Variants in PLCB1 observed in about 807,000 individuals in gnomAD.
The protein encoded by PLCB1 is 1-phosphatidylinositol 4,5-bisphosphate phosphodiesterase beta-1.
A neutral mutation model predicts 161.8 loss-of-function variants in PLCB1; 46 were observed. The observed-to-expected ratio is 0.28, with a 90% CI of 0.22 to 0.36. The LOEUF (loss-of-function observed/expected upper bound fraction) is 0.36. Ranked by LOEUF, PLCB1 falls within the 10% of genes least tolerant of loss-of-function variation. PLCB1 has a pLI of 1.00. For synonymous variants in PLCB1, 517 were observed against 503.7 expected, an observed-to-expected ratio of 1.03 and a Z score of -0.35; for missense variants, 1,016 against 1,472.5, an observed-to-expected ratio of 0.69 and a Z score of 5.07.
intron 3 of PLCB1, among the ~76,000 whole-genome samples, chr20:8,603,027 T>A (rs1009869439): frequency 1.5e-5 from 2 of 137,912 alleles, no homozygotes; most frequent in Non-Finnish European, 3.0e-5. Context: ...AAGTATCACA[T>A]GGTTTGTACA....
rs1490480737 is a variant in PLCB1, at chr20:8,146,109, T to G, written c.100-4185T>G. 6.2e-5 allele frequency among the ~76,000 whole-genome samples: 9 copies of G among 145,682 alleles called. 1 individual carries two copies. The South Asian group carries it at 1.5e-3, about 24-fold the overall frequency. On this transcript the variant is annotated intron_variant, in intron 1 of 31. Coordinates refer to ENST00000338037, the MANE Select transcript of PLCB1 (RefSeq NM_015192.4). ...CTTACTGTTTTTGTTTTTTTTGTTT[T>G]TTTTTTTTTTGGTATAAGGCACAGT...
chr20:8,808,363 A>G (rs1984644495), intron 31 of PLCB1, among the ~76,000 whole-genome samples: 1 of 152,154 alleles, frequency 6.6e-6, no homozygotes. Flanking sequence ...ACAGAGAGAG[A>G]GAGAGCGCAT....
intron 10 of PLCB1, among the ~76,000 whole-genome samples, chr20:8,689,026 T>A (rs1474018584): frequency 1.3e-5 from 2 of 152,108 alleles, no homozygotes; most frequent in African/African-American, 4.8e-5. Flanking sequence ...ATTTCAGCAG[T>A]GTTTTGTAGT....
intron 3 of PLCB1, among the ~76,000 whole-genome samples, chr20:8,534,880 G>T (rs545911369): frequency 2.6e-5 from 4 of 152,024 alleles, no homozygotes; most frequent in African/African-American, 9.7e-5. Flanking sequence ...CTGAACCACC[G>T]TGGGGAGCAG....
intron 25 of PLCB1, among the ~76,000 whole-genome samples, chr20:8,761,899 A>G (rs1300893837): frequency 1.3e-5 from 2 of 150,724 alleles, no homozygotes; most frequent in Non-Finnish European, 3.0e-5. Context: ...CCTCCCAACA[A>G]AACATGTTTT....
At chr20:8,406,788 G>A (rs1978806701) in intron 3 of PLCB1, among the ~76,000 whole-genome samples, 1 of 152,154 alleles carries the variant, frequency 6.6e-6, no homozygotes, top group African/African-American at 2.4e-5. Context: ...AAGAATTATA[G>A]TGATTTTATG....
chr20:8,230,055 G>GAAAAA (rs1979930453), intron 2 of PLCB1, among the ~76,000 whole-genome samples: 1 of 10,768 alleles, frequency 9.3e-5, no homozygotes. Context: ...CGACTTGGCA[G>GAAAAA]CAAAAAAAAA....
At chr20:8,472,370 A>G (rs1982093572) in intron 3 of PLCB1, among the ~76,000 whole-genome samples, 1 of 152,174 alleles carries the variant, frequency 6.6e-6, no homozygotes, top group Non-Finnish European at 1.5e-5. Flanking sequence ...TACCAGCCCC[A>G]TCACTGGGGT....
intron 3 of PLCB1, among the ~76,000 whole-genome samples, chr20:8,601,091 G>A (rs113233508): frequency 0.01 from 1,541 of 152,282 alleles, 24 homozygotes; most frequent in African/African-American, 0.035. Flanking sequence ...GCTGTAGACC[G>A]GAGCTGTTCC....
chr20:8,469,593 C>T (rs2122711155), intron 3 of PLCB1, among the ~76,000 whole-genome samples: 1 of 152,090 alleles, frequency 6.6e-6, no homozygotes, highest in East Asian at 1.9e-4. Context: ...TATGTGTACC[C>T]ACAACCATTG....
At chr20:8,314,394 A>G (rs983173405) in intron 2 of PLCB1, among the ~76,000 whole-genome samples, 2 of 152,208 alleles carry the variant, frequency 1.3e-5, no homozygotes, top group African/African-American at 4.8e-5. Flanking sequence ...ATGGCAAAAT[A>G]TCAGAATATA....
chr20:8,209,111 A>G (rs1978680965), intron 2 of PLCB1, among the ~76,000 whole-genome samples: 1 of 152,126 alleles, frequency 6.6e-6, no homozygotes, highest in Non-Finnish European at 1.5e-5. Flanking sequence ...GATTGTACAG[A>G]TGGTCTTCAA....
chr20:8,841,327 C>T (rs1353122435), intron 31 of PLCB1, among the ~76,000 whole-genome samples: 2 of 152,128 alleles, frequency 1.3e-5, no homozygotes, highest in African/African-American at 4.8e-5. Context: ...TAAAATAATA[C>T]TCTTTGTCAC....
intron 2 of PLCB1, among the ~76,000 whole-genome samples, chr20:8,331,795 AC>A (rs1468416092): frequency 1.3e-5 from 2 of 152,180 alleles, no homozygotes; most frequent in Non-Finnish European, 1.5e-5. Flanking sequence ...AGAACTTGAC[AC>A]CTTACTAACA....
intron 31 of PLCB1, among the ~76,000 whole-genome samples, chr20:8,820,775 A>G (rs1256698788): frequency 2.0e-5 from 3 of 152,250 alleles, no homozygotes; most frequent in Admixed American, 1.3e-4. Context: ...TATTCCTACA[A>G]AAGAATATTA....
intron 27 of PLCB1, among the ~76,000 whole-genome samples, chr20:8,787,551 G>T (rs954835): frequency 0.95 from 145,039 of 152,316 alleles, 69,178 homozygotes; most frequent in East Asian, 1. Flanking sequence ...ACTGTCTATT[G>T]GGTGCTCCAG....
intron 10 of PLCB1, among the ~76,000 whole-genome samples, chr20:8,690,719 A>T (rs978651826): frequency 2.0e-5 from 3 of 152,214 alleles, no homozygotes; most frequent in Non-Finnish European, 4.4e-5. Context: ...TGTTAGTCTT[A>T]CAAAAGTTGT....
At chr20:8,756,777 G>C (rs577365379) in intron 23 of PLCB1, among the ~76,000 whole-genome samples, 2 of 152,262 alleles carry the variant, frequency 1.3e-5, no homozygotes, top group East Asian at 3.9e-4. Flanking sequence ...CAAATCACAT[G>C]GTCTGGTCCA....
chr20:8,218,558 T>G (rs1047020302), intron 2 of PLCB1, among the ~76,000 whole-genome samples: 1 of 152,024 alleles, frequency 6.6e-6, no homozygotes, highest in Non-Finnish European at 1.5e-5. Flanking sequence ...AATACCTACT[T>G]CACAGAGCTA....
Sources: gnomAD v4.1 joint callset for allele counts (sites outside exome capture counted in the v4.1 genomes callset) on GRCh38, gnomAD v4.1.1 for gene constraint, MANE v1.5 for transcripts, NCBI Gene and HGNC (gene_info 2026-07-23, HGNC 2026-07-21) for gene names.